Variants in ACSL3 observed in about 807,000 individuals in gnomAD.
The protein encoded by ACSL3 is acyl-CoA synthetase long chain family member 3.
A neutral mutation model predicts 84.7 loss-of-function variants in ACSL3; 34 were observed. That is an observed-to-expected ratio of 0.40 (90% CI 0.31 to 0.53). ACSL3 has a LOEUF of 0.53. ACSL3 is among the 20% of genes least tolerant of loss of function. The pLI, the probability that ACSL3 is intolerant of heterozygous loss-of-function variation, is 0.48. For missense variants in ACSL3, 680 were observed against 873.1 expected, an observed-to-expected ratio of 0.78 and a Z score of 2.79; for synonymous variants, 315 against 299.4, an observed-to-expected ratio of 1.05 and a Z score of -0.54.
chr2:222,866,215 G>A (rs1281728267), intron 1 of ACSL3, among the ~76,000 whole-genome samples: 3 of 151,668 alleles, frequency 2.0e-5, no homozygotes, highest in Non-Finnish European at 2.9e-5. Context: ...GCATGATCTC[G>A]GCTCACTGTA....
intron 4 of ACSL3, among the ~76,000 whole-genome samples, chr2:222,913,671 C>T (rs1447376180): frequency 1.3e-5 from 2 of 152,170 alleles, no homozygotes; most frequent in African/African-American, 4.8e-5. Context: ...CCACCTTACT[C>T]ACCTGCTTAA....
intron 1 of ACSL3, among the ~76,000 whole-genome samples, chr2:222,873,745 TCTA>T (rs1406577571): frequency 6.6e-6 from 1 of 152,370 alleles, no homozygotes; most frequent in South Asian, 2.1e-4. Context: ...TGTATAATAA[TCTA>T]CTATATGTAC....
At chr2:222,880,724 G>A (rs528141277) in intron 1 of ACSL3, among the ~76,000 whole-genome samples, 1 of 151,922 alleles carries the variant, frequency 6.6e-6, no homozygotes, top group Admixed American at 6.6e-5. Context: ...CAGCTACTCA[G>A]GAGGCTGAGA....
At chr2:222,875,802 A>G (rs1279176950) in intron 1 of ACSL3, among the ~76,000 whole-genome samples, 2 of 152,124 alleles carry the variant, frequency 1.3e-5, no homozygotes, top group African/African-American at 2.4e-5. Flanking sequence ...TGTCATAAGC[A>G]CAGACATAAT....
At position 222,928,955 on chromosome 2, in the gene ACSL3, C is replaced by T. The variant is rs1484288974; in HGVS notation, c.1540+19C>T. On this transcript the variant is annotated intron_variant, in intron 13 of 16. Transcript: ENST00000357430. ...GAGGAAGGTAATAAACTATTTTAAC[C>T]ACAGAGCATTAATTTTTAAAGTATT... The T allele has an allele frequency of 1.9e-6, 3 of 1,591,302 alleles. No individual in the cohort carries two copies. The highest frequency in any genetic ancestry group is 1.7e-6 in the Non-Finnish European group (2 of 1,162,358).
intron 16 of ACSL3, among the ~76,000 whole-genome samples, chr2:222,937,217 T>G (rs1697195784): frequency 1.5e-5 from 2 of 135,800 alleles, no homozygotes; most frequent in Admixed American, 1.4e-4. Flanking sequence ...TCTTAATTTC[T>G]TTTTCAGAAC....
chr2:222,910,001 C>G (rs985222279), intron 4 of ACSL3, among the ~76,000 whole-genome samples: 4 of 152,220 alleles, frequency 2.6e-5, no homozygotes, highest in Admixed American at 6.5e-5. Context: ...AACTCATACC[C>G]TCCATTCTTC....
At chr2:222,903,990 G>A (rs1369244033) in intron 3 of ACSL3, among the ~76,000 whole-genome samples, 1 of 152,072 alleles carries the variant, frequency 6.6e-6, no homozygotes, top group Admixed American at 6.6e-5. Flanking sequence ...AACAATTATG[G>A]TCGGCTGGGC....
intron 4 of ACSL3, among the ~76,000 whole-genome samples, chr2:222,916,101 G>T (rs1021156115): frequency 6.6e-5 from 10 of 151,938 alleles, no homozygotes; most frequent in Non-Finnish European, 1.5e-4. Context: ...AAACCCCCCA[G>T]TTACAATATA....
At chr2:222,929,607 G>A (rs994301356) in intron 13 of ACSL3, among the ~76,000 whole-genome samples, 1 of 151,940 alleles carries the variant, frequency 6.6e-6, no homozygotes, top group Admixed American at 6.6e-5. Context: ...TGGTGAAACC[G>A]TCTCTACTAA....
rs868343321 is a variant in ACSL3, at chr2:222,943,084, T to A, written c.*1430T>A. 0.028 allele frequency: 2,169 copies of A among 77,238 alleles called. 27 individuals carry two copies. The highest frequency in any genetic ancestry group is 0.14 in the African/African-American group (1,064 of 7,536). The allele number at this position is 77,238 out of a possible 1,614,324, so 4.8% of individuals were successfully genotyped here. On this transcript the variant is annotated 3_prime_UTR_variant, in exon 17 of 17. Transcript: ENST00000357430. ...TACTGTAGGCATCAAAAGGCAAAAA[T>A]CAAAAAAAAAAAAAACAAAAACAAA... is the stretch of plus-strand genomic sequence containing the variant.
Position 222,942,512 on chromosome 2 carries a change from T to G in ACSL3, c.*858T>G, listed in dbSNP as rs1289408889. 3 of 193,066 alleles carry G rather than the reference T, an allele frequency of 1.6e-5. No homozygotes were observed. Among genetic ancestry groups the G allele is most frequent in the Non-Finnish European group, 3.2e-5 (3 of 92,634 alleles). 12.0% of individuals were successfully genotyped at this position (193,066 alleles called of 1,614,324 possible). ...GAGGATAGAATTTAAAGAACAAGAG[T>G]ATATAAAGTTATTCTTTGAATATTT... On this transcript the variant is annotated 3_prime_UTR_variant, in exon 17 of 17. Transcript: ENST00000357430.
At chr2:222,866,677 G>A (rs1486943765) in intron 1 of ACSL3, among the ~76,000 whole-genome samples, 1 of 121,990 alleles carries the variant, frequency 8.2e-6, no homozygotes, top group East Asian at 3.0e-4. Context: ...GAGCTGTGAT[G>A]ACATTTAGGG....
intron 2 of ACSL3, among the ~76,000 whole-genome samples, chr2:222,894,277 C>T (rs973770915): frequency 3.3e-5 from 5 of 152,154 alleles, no homozygotes; most frequent in Admixed American, 6.5e-5. Context: ...TTCCAAGTCA[C>T]CTGTGTTCTT....
At chr2:222,934,805 T>A in intron 16 of ACSL3, 118 bp downstream of exon 16, 1 of 1,101,314 alleles carries the variant, frequency 9.1e-7, no homozygotes, top group Non-Finnish European at 1.3e-6. Context: ...ATTTCTACCG[T>A]TAGTATATGG....
chr2:222,940,448 G>A (rs1300820645), intron 16 of ACSL3, among the ~76,000 whole-genome samples: 2 of 148,654 alleles, frequency 1.3e-5, no homozygotes, highest in Admixed American at 6.7e-5. Flanking sequence ...GTGCATATAA[G>A]TTTATGCAGC....
At chr2:222,936,866 A>G (rs915472589) in intron 16 of ACSL3, among the ~76,000 whole-genome samples, 1 of 152,116 alleles carries the variant, frequency 6.6e-6, no homozygotes, top group African/African-American at 2.4e-5. Flanking sequence ...ATGAAGAGAG[A>G]GAGAGAGAAA....
rs1240621498 is a variant in ACSL3 at position 222,929,844 on chromosome 2, G to A, written c.1541-777G>A. The stretch of plus-strand genomic sequence containing the variant: ...CTTTTAGCTATCTTTAGCAGAATTA[G>A]TGGGAATATTTAATAAATTTAGGCT... On this transcript the variant is annotated intron_variant, in intron 13 of 16. Transcript: ENST00000357430. Among the ~76,000 whole-genome samples the A allele has an allele frequency of 5.3e-5, 8 of 151,296 alleles. No individual in the cohort carries two copies. In the East Asian group the frequency reaches 9.7e-4, roughly 18 times the overall value.
intron 11 of ACSL3, among the ~76,000 whole-genome samples, chr2:222,926,468 A>G (rs932637652): frequency 2.0e-5 from 3 of 151,980 alleles, no homozygotes; most frequent in African/African-American, 7.2e-5. Flanking sequence ...GTATTAGTGT[A>G]TTTTCAGAAA....
Sources: gnomAD v4.1 joint callset for allele counts (sites outside exome capture counted in the v4.1 genomes callset) on GRCh38, gnomAD v4.1.1 for gene constraint, MANE v1.5 for transcripts, NCBI Gene and HGNC (gene_info 2026-07-23, HGNC 2026-07-21) for gene names.